NFIA: variants seen among roughly 807,000 people sequenced by gnomAD.
The protein encoded by NFIA is nuclear factor 1 A-type.
NFIA carries 8 observed loss-of-function variants against 62.8 expected under a neutral mutation model. The ratio of observed to expected loss-of-function variants is 0.13; its 90% CI spans 0.07 to 0.23. The LOEUF (loss-of-function observed/expected upper bound fraction) is 0.23. Ranked by LOEUF, NFIA falls within the 10% of genes least tolerant of loss-of-function variation. The pLI is 1.00. For synonymous variants in NFIA, 235 were observed against 238.1 expected (o/e 0.99, Z 0.12); for missense variants, 410 against 642.1 (o/e 0.64, Z 3.91).
intron 2 of NFIA, among the ~76,000 whole-genome samples, chr1:61,095,627 A>G (rs2100426387): frequency 6.6e-6 from 1 of 152,354 alleles, no homozygotes; most frequent in Non-Finnish European, 1.5e-5. Context: ...ATGAGGCCAC[A>G]CTTGATAAAG....
intron 2 of NFIA, among the ~76,000 whole-genome samples, chr1:61,129,372 CTTAAAGGA>C (rs1311617699): frequency 6.6e-6 from 1 of 151,920 alleles, no homozygotes; most frequent in East Asian, 1.9e-4. Flanking sequence ...TCCACACAAC[CTTAAAGGA>C]TTAAAGGATG....
intron 2 of NFIA, among the ~76,000 whole-genome samples, chr1:61,116,019 T>C (rs1473013586): frequency 7.6e-4 from 1 of 1,308 alleles, no homozygotes; most frequent in Non-Finnish European, 4.7e-3. Context: ...TGTCTTCTGT[T>C]TTTTTTTTTT....
At chr1:61,248,295 G>A (rs550111705) in intron 2 of NFIA, among the ~76,000 whole-genome samples, 12 of 152,202 alleles carry the variant, frequency 7.9e-5, no homozygotes, top group South Asian at 2.1e-4. Context: ...GCACAATTAC[G>A]CAAGCCTTTT....
intron 6 of NFIA, among the ~76,000 whole-genome samples, chr1:61,378,064 T>A (rs537242104): frequency 6.6e-6 from 1 of 152,364 alleles, no homozygotes; most frequent in South Asian, 2.1e-4. Context: ...CTGCAGTGTT[T>A]CCTTTACTAT....
intron 2 of NFIA, among the ~76,000 whole-genome samples, chr1:61,240,602 A>G (rs771879488): frequency 1.3e-5 from 2 of 152,134 alleles, no homozygotes; most frequent in Non-Finnish European, 2.9e-5. Context: ...ATACTGAAGT[A>G]TACATGAAAG....
intron 4 of NFIA, 142 bp downstream of exon 4, chr1:61,332,728 T>C: frequency 1.6e-6 from 1 of 632,196 alleles, no homozygotes; most frequent in South Asian, 2.3e-5. Context: ...CACAGTTTGT[T>C]TGACAACCAA....
chr1:61,086,261 C>G (rs989106815), intron 1 of NFIA, among the ~76,000 whole-genome samples: 3 of 151,996 alleles, frequency 2.0e-5, no homozygotes, highest in African/African-American at 7.3e-5. Context: ...TGTTTCAAAC[C>G]TAAAATTTAT....
At chr1:61,132,552 T>C (rs1171225156) in intron 2 of NFIA, 1 of 152,160 alleles carries the variant, frequency 6.6e-6, no homozygotes. Flanking sequence ...GCCACAAAGA[T>C]AGTGTCTTTT....
Position 61,457,908 on chromosome 1 carries a change from A to G in NFIA, c.*2588A>G, listed in dbSNP as rs1017221569. 6.6e-6 allele frequency: 1 copy of G among 152,052 alleles called. No individual in the cohort carries two copies. The highest frequency in any genetic ancestry group is 2.4e-5 in the African/African-American group (1 of 41,390). The allele number at this position is 152,052 out of a possible 1,614,324, so 9.4% of individuals were successfully genotyped here. ...TTTCTTAGCAGACTGCAGTCAATCC[A>G]CATTCAATAAAAAGTATATAATGCC... On this transcript the variant is annotated 3_prime_UTR_variant, in exon 11 of 11. Transcript: ENST00000403491. The surrounding 1 kb of genome is among the most constrained non-coding windows in gnomAD (Gnocchi z 4.2).
intron 2 of NFIA, among the ~76,000 whole-genome samples, chr1:61,268,882 T>C (rs547665114): frequency 1.3e-5 from 2 of 152,264 alleles, no homozygotes; most frequent in South Asian, 4.2e-4. Flanking sequence ...GGATGCATTA[T>C]AGCCATCATC....
At chr1:61,331,306 C>T (rs1164235602) in intron 3 of NFIA, among the ~76,000 whole-genome samples, 3 of 152,062 alleles carry the variant, frequency 2.0e-5, no homozygotes, top group Non-Finnish European at 4.4e-5. Context: ...CTAAAAAAGA[C>T]AAGTAACTTG....
intron 6 of NFIA, among the ~76,000 whole-genome samples, chr1:61,370,721 G>C (rs1362773685): frequency 6.6e-6 from 1 of 152,158 alleles, no homozygotes; most frequent in Non-Finnish European, 1.5e-5. Flanking sequence ...TGGGGAACTG[G>C]CTTTCCAGAC....
At chr1:61,234,128 G>C (rs1654838955) in intron 2 of NFIA, among the ~76,000 whole-genome samples, 1 of 152,088 alleles carries the variant, frequency 6.6e-6, no homozygotes, top group Admixed American at 6.5e-5. Flanking sequence ...AGCACTTTGG[G>C]AGGCCGAGGC....
At chr1:61,235,918 T>G (rs999521329) in intron 2 of NFIA, among the ~76,000 whole-genome samples, 3 of 152,124 alleles carry the variant, frequency 2.0e-5, no homozygotes, top group African/African-American at 7.2e-5. Context: ...AAGATTGTCT[T>G]GCTATTATAG....
At chr1:61,239,732 T>A (rs1332818168) in intron 2 of NFIA, among the ~76,000 whole-genome samples, 1 of 152,174 alleles carries the variant, frequency 6.6e-6, no homozygotes, top group Non-Finnish European at 1.5e-5. Flanking sequence ...TTCGAAATAA[T>A]TGTCAAATAT....
chr1:61,097,728 G>C lies in NFIA; in HGVS notation c.559+9048G>C, dbSNP rs560988371. 1.5e-4 allele frequency among the ~76,000 whole-genome samples: 23 copies of C among 152,186 alleles called. No individual in the cohort carries two copies. In the South Asian group the frequency reaches 4.8e-3, roughly 32 times the overall value. The stretch of plus-strand genomic sequence containing the variant: ...GATATGTACTTGCCTCTCTCCTTTT[G>C]TCCTGTCAGATGCACTTAGAATTCT... On this transcript the variant is annotated intron_variant, in intron 2 of 10. Coordinates refer to ENST00000403491, the MANE Select transcript of NFIA (RefSeq NM_001134673.4).
At chr1:61,430,250 A>G (rs1667043932) in intron 10 of NFIA, among the ~76,000 whole-genome samples, 1 of 152,242 alleles carries the variant, frequency 6.6e-6, no homozygotes. Flanking sequence ...TGCCCAGCAC[A>G]TAGTGGGTAC....
intron 5 of NFIA, among the ~76,000 whole-genome samples, chr1:61,353,410 A>C (rs1322922010): frequency 1.3e-5 from 2 of 152,148 alleles, no homozygotes; most frequent in African/African-American, 4.8e-5. Flanking sequence ...TCTCTAGATA[A>C]CCTGTACCAG....
intron 2 of NFIA, among the ~76,000 whole-genome samples, chr1:61,217,052 TTTC>T (rs1427172473): frequency 2.0e-5 from 3 of 149,084 alleles, no homozygotes; most frequent in African/African-American, 7.3e-5. Flanking sequence ...AACTTTTTTT[TTTC>T]TTTTTTCTTT....
Sources: gnomAD v4.1 joint callset for allele counts (sites outside exome capture counted in the v4.1 genomes callset) on GRCh38, gnomAD v4.1.1 for gene constraint, Gnocchi (gnomAD v3.1) non-coding constraint, MANE v1.5 for transcripts, NCBI Gene and HGNC (gene_info 2026-07-23, HGNC 2026-07-21) for gene names.